The following NRL variants were observed in gnomAD, a reference collection of about 807,000 sequenced individuals.
The protein encoded by NRL is neural retina-specific leucine zipper protein.
NRL carries 16 observed loss-of-function variants against 12.5 expected under a neutral mutation model. The ratio of observed to expected loss-of-function variants is 1.28; its 90% CI spans 0.87 to 1.95. The LOEUF (loss-of-function observed/expected upper bound fraction) is 1.95, where lower values mean the gene tolerates loss of function less well. Among genes scored for constraint, NRL ranks in the 30% most tolerant of loss-of-function variants. The pLI, the probability that NRL is intolerant of heterozygous loss-of-function variation, is 0.00. For synonymous variants in NRL, 142 were observed against 150.9 expected (o/e 0.94, Z 0.43); for missense variants, 314 against 325.8 (o/e 0.96, Z 0.28).
rs139687683 is a variant in NRL at position 24,102,768 on chromosome 14, G to A, written c.-28+11954C>T. 55 of 1,613,800 alleles carry A rather than the reference G, an allele frequency of 3.4e-5. No individual in the cohort carries two copies. Among genetic ancestry groups the A allele is most frequent in the Non-Finnish European group, 4.4e-5 (52 of 1,179,896 alleles). ...CCTCTGCCAGGTGACAAGGAGCCCTGTGCACATCCCAACTCTCGATTTTGT... is the reference window on the plus strand; with the variant it reads ...CCTCTGCCAGGTGACAAGGAGCCCTATGCACATCCCAACTCTCGATTTTGT... On this transcript the variant is annotated intron_variant, in intron 1 of 2. Transcript: ENST00000561028.
intron 1 of NRL, chr14:24,103,263 C>T (rs1221330516): frequency 6.3e-7 from 1 of 1,593,308 alleles, no homozygotes; most frequent in Non-Finnish European, 8.6e-7. Flanking sequence ...AAGGTGAGCA[C>T]CCTCACCATT....
At chr14:24,110,368 C>G (rs912245023) in intron 1 of NRL, 3 of 384,672 alleles carry the variant, frequency 7.8e-6, no homozygotes, top group Admixed American at 2.9e-5. Flanking sequence ...CTCAGCCTCT[C>G]AAAGTACTGG....
At chr14:24,110,835 G>T (rs2138995935) in intron 1 of NRL, among the ~76,000 whole-genome samples, 1 of 152,306 alleles carries the variant, frequency 6.6e-6, no homozygotes, top group Middle Eastern at 3.4e-3. Context: ...CCTCTAATAA[G>T]AAATTCTCCT....
In NRL at chr14:24,094,976, G is replaced by C; in HGVS notation, c.-27-12101C>G. 1.4e-6 allele frequency: 1 copy of C among 702,616 alleles called. No homozygotes were observed. The highest frequency in any genetic ancestry group is 1.5e-5 in the South Asian group (1 of 64,534). The allele number at this position is 702,616 out of a possible 1,614,324, so 43.5% of individuals were successfully genotyped here. On this transcript the variant is annotated intron_variant, in intron 1 of 2. Coordinates refer to ENST00000561028, the MANE Select transcript of NRL (RefSeq NM_001354768.3). The surrounding 1 kb of genome is among the most constrained non-coding windows in gnomAD (Gnocchi z 4.1). ...AAGTCCAGAGCAGCCCGAGGGACCT[G>C]GGCCCAGGGGAGGGAGGCAAGCAAG...
chr14:24,079,906 T>C lies in NRL; in HGVS notation c.*1330A>G, dbSNP rs986777836. ...GGCCGAGCTGGGCCACTGAGGCTTCTGAGTTTGGTGGTGGTGGTGGTGAGA... is the reference window on the plus strand; with the variant it reads ...GGCCGAGCTGGGCCACTGAGGCTTCCGAGTTTGGTGGTGGTGGTGGTGAGA... On this transcript the variant is annotated 3_prime_UTR_variant, in exon 3 of 3. Transcript: ENST00000561028. Among the ~76,000 whole-genome samples the C allele has an allele frequency of 1.3e-5, 2 of 152,156 alleles. No homozygotes were observed. Among genetic ancestry groups the C allele is most frequent in the Non-Finnish European group, 2.9e-5 (2 of 68,018 alleles).
chr14:24,091,589 A>C (rs2036633180), intron 1 of NRL, among the ~76,000 whole-genome samples: 1 of 152,182 alleles, frequency 6.6e-6, no homozygotes, highest in South Asian at 2.1e-4. Flanking sequence ...TTTAATGGTA[A>C]ATCAAGGGGA....
rs930654077 is a variant in NRL at position 24,081,829 on chromosome 14, C to G, written c.382-261G>C. ...GCCGGCCACGGTCAGGCGAGCCCGT[C>G]GCGCACCTAAACCCCGGGCTCGTCT... On this transcript the variant is annotated intron_variant, in intron 2 of 2. Coordinates refer to ENST00000561028, the MANE Select transcript of NRL (RefSeq NM_001354768.3). The surrounding 1 kb of genome is among the most constrained non-coding windows in gnomAD (Gnocchi z 4.4). 7.0e-7 allele frequency: 1 copy of G among 1,433,882 alleles called. No individual in the cohort carries two copies. The highest frequency in any genetic ancestry group is 1.5e-5 in the African/African-American group (1 of 68,386). The allele number at this position is 1,433,882 out of a possible 1,614,324, so 88.8% of individuals were successfully genotyped here.
rs1409296715 is a variant in NRL, at chr14:24,094,590, C to T, written c.-27-11715G>A. 3 of 1,451,644 alleles carry T rather than the reference C, an allele frequency of 2.1e-6. No individual in the cohort carries two copies. The highest frequency in any genetic ancestry group is 2.9e-5 in the African/African-American group (2 of 70,170). 89.9% of individuals were successfully genotyped at this position (1,451,644 alleles called of 1,614,324 possible). A position where few individuals can be genotyped will look rare whatever the true frequency, so the allele number is the denominator to read the frequency against. ...CTGCTGTGGGTCCAGCCTCCCGCGC[C>T]GCGCGTCTCTTGGGAGGGCAGCCGG... On this transcript the variant is annotated intron_variant, in intron 1 of 2. Transcript: ENST00000561028. The surrounding 1 kb of genome is among the most constrained non-coding windows in gnomAD (Gnocchi z 4.1).
intron 1 of NRL, chr14:24,103,940 G>T (rs775289199): frequency 6.2e-7 from 1 of 1,613,832 alleles, no homozygotes; most frequent in Non-Finnish European, 8.5e-7. Flanking sequence ...TTGAGGCCCT[G>T]GAGAGACGTG....
At chr14:24,098,807 C>A in intron 1 of NRL, 1 of 789,638 alleles carries the variant, frequency 1.3e-6, no homozygotes, top group Non-Finnish European at 2.1e-6. Flanking sequence ...AGATCCAGAG[C>A]AGCAGTCCCA....
At chr14:24,082,004 G>C in intron 2 of NRL, 4 of 1,202,456 alleles carry the variant, frequency 3.3e-6, no homozygotes, top group Non-Finnish European at 4.2e-6. Context: ...CCTAATGCCC[G>C]CAACACCCCC....
intron 1 of NRL, among the ~76,000 whole-genome samples, chr14:24,106,426 G>A (rs1373247520): frequency 6.6e-6 from 1 of 152,164 alleles, no homozygotes; most frequent in Non-Finnish European, 1.5e-5. Flanking sequence ...AGTTAGCAGT[G>A]GAGTATATTG....
chr14:24,097,163 A>G (rs748402841), intron 1 of NRL: 2 of 1,609,826 alleles, frequency 1.2e-6, no homozygotes, highest in South Asian at 2.2e-5. Flanking sequence ...CACAACCTGC[A>G]GGATAGGTGC....
At position 24,082,768 on chromosome 14, in the gene NRL, G is replaced by A; in HGVS notation, c.81C>T (p.Pro27=). The part of the protein sequence containing the change: ...DLMKFEVKRE[P]SEGRPGPPTA... ...TAGGGGGGCCAGGTCGGCCCTCAGA[G>A]GGTTCCCGCTTTACCTCAAACTTCA... is the stretch of plus-strand genomic sequence containing the variant. Residue 27 remains proline (P), a synonymous_variant, in exon 2 of 3, where the codon CCC becomes CCT. Transcript: ENST00000561028. 2 of 1,614,192 alleles carry A rather than the reference G, an allele frequency of 1.2e-6. No individual in the cohort carries two copies. Among genetic ancestry groups the A allele is most frequent in the Non-Finnish European group, 1.7e-6 (2 of 1,180,030 alleles).
intron 1 of NRL, chr14:24,095,042 C>T: frequency 2.2e-6 from 1 of 449,440 alleles, no homozygotes; most frequent in Non-Finnish European, 4.5e-6. Flanking sequence ...TCTTACATAG[C>T]TGGCTTCTTC....
At chr14:24,100,324 A>C (rs771430351) in intron 1 of NRL, 29 of 1,514,872 alleles carry the variant, frequency 1.9e-5, no homozygotes, top group Non-Finnish European at 2.6e-5. Context: ...GGAGGCACAG[A>C]AGTCATGAAC....
At chr14:24,112,354 A>C (rs545716420) in intron 1 of NRL, among the ~76,000 whole-genome samples, 22 of 150,982 alleles carry the variant, frequency 1.5e-4, no homozygotes, top group Non-Finnish European at 2.5e-4. Flanking sequence ...GGCCTCATAA[A>C]ATGAGTTAGG....
intron 1 of NRL, chr14:24,099,929 C>T: frequency 6.2e-7 from 1 of 1,613,724 alleles, no homozygotes; most frequent in Non-Finnish European, 8.5e-7. Context: ...GGAGCAGGAC[C>T]TTCTTTGGTC....
chr14:24,102,589 G>A (rs1341392698), intron 1 of NRL: 3 of 625,576 alleles, frequency 4.8e-6, no homozygotes, highest in African/African-American at 1.8e-5. Flanking sequence ...TGAGCTCTTG[G>A]AGATGCCCTG....
Sources: allele counts gnomAD v4.1 joint callset (sites outside exome capture counted in the v4.1 genomes callset), GRCh38; gene constraint gnomAD v4.1.1; non-coding constraint Gnocchi (gnomAD v3.1); transcripts MANE v1.5; gene names NCBI Gene and HGNC (gene_info 2026-07-23, HGNC 2026-07-21).